The following EZR variants were observed in gnomAD, a reference collection of about 807,000 sequenced individuals.
EZR encodes the protein ezrin.
Under a neutral mutation model 74.8 loss-of-function variants are expected in EZR, and 40 were observed. The ratio of observed to expected loss-of-function variants is 0.53; its 90% CI spans 0.42 to 0.70. EZR has a LOEUF of 0.70. EZR is among the 30% of genes least tolerant of loss of function. EZR has a pLI of 0.00. For synonymous variants in EZR, 341 were observed against 283.3 expected (o/e 1.20, Z -2.05); for missense variants, 678 against 755.8 (o/e 0.90, Z 1.21).
Position 158,771,369 on chromosome 6 carries a change from C to T in EZR, c.834G>A (p.Lys278=), listed in dbSNP as rs1453316789. 1 of 1,613,240 alleles carries T rather than the reference C, an allele frequency of 6.2e-7. No homozygotes were observed. The highest frequency in any genetic ancestry group is 1.1e-5 in the South Asian group (1 of 90,988). ...TGCCCATGCAGAGCTGCAGGATCCG[C>T]TTGTTGATTCTCAGACGTGGGGCAT... The part of the protein sequence containing the change: ...VFYAPRLRIN[K]RILQLCMGNH... Residue 278 remains lysine, a synonymous_variant, in exon 9 of 14, where the codon AAG becomes AAA. Coordinates refer to ENST00000367075, the MANE Select transcript of EZR (RefSeq NM_001111077.2).
chr6:158,818,272 G>C (rs867151115), intron 1 of EZR, 106 bp from the exon 2 acceptor site: 9 of 490,590 alleles, frequency 1.8e-5, no homozygotes, highest in Non-Finnish European at 3.1e-5. Context: ...GAACCGGCCA[G>C]CCCGGGCCCG....
intron 2 of EZR, among the ~76,000 whole-genome samples, chr6:158,812,749 C>T (rs1264478350): frequency 2.0e-5 from 3 of 152,120 alleles, no homozygotes; most frequent in African/African-American, 4.8e-5. Flanking sequence ...TTCCCCCACA[C>T]CTGGTCCTTC....
intron 1 of EZR, 158 bp from the exon 2 acceptor site, chr6:158,818,324 G>T (rs955214227): frequency 3.7e-6 from 1 of 268,906 alleles, no homozygotes; most frequent in African/African-American, 2.3e-5. Flanking sequence ...CATGGGGAGG[G>T]GGCACGGGCG....
rs1791078573 is a variant in EZR, at chr6:158,770,749, C to T, written c.1090+15G>A. 6.2e-7 allele frequency: 1 copy of T among 1,613,926 alleles called. No homozygotes were observed. Among genetic ancestry groups the T allele is most frequent in the African/African-American group, 1.3e-5 (1 of 74,890 alleles). ...GCATGACCCAGTGTAGAGTGCCAGC[C>T]CCAGGGCGCCTGACCTCTCTCTGCC... On this transcript the variant is annotated intron_variant, in intron 10 of 13. Transcript: ENST00000367075.
At chr6:158,792,923 C>A (rs757030592) in intron 2 of EZR, among the ~76,000 whole-genome samples, 3 of 152,072 alleles carry the variant, frequency 2.0e-5, no homozygotes, top group Admixed American at 1.3e-4. Flanking sequence ...ACAATGCCAA[C>A]TCTTAGCTGG....
intron 2 of EZR, among the ~76,000 whole-genome samples, chr6:158,791,167 C>T (rs1791734967): frequency 6.6e-6 from 1 of 152,148 alleles, no homozygotes; most frequent in African/African-American, 2.4e-5. Context: ...CTTAAAGGCT[C>T]CCCGACTGGT....
intron 2 of EZR, among the ~76,000 whole-genome samples, chr6:158,805,009 C>T (rs575960398): frequency 8.1e-4 from 119 of 146,184 alleles, no homozygotes; most frequent in Non-Finnish European, 1.3e-3. Flanking sequence ...TGAGAATATG[C>T]GGTGTTTGGT....
intron 2 of EZR, among the ~76,000 whole-genome samples, chr6:158,803,552 T>C (rs1280829473): frequency 0.34 from 1,538 of 4,534 alleles, 224 homozygotes; most frequent in African/African-American, 0.5. Context: ...TATGTATATA[T>C]ATATATATAT....
intron 7 of EZR, 120 bp from the exon 8 acceptor site, chr6:158,776,624 A>G: frequency 2.8e-6 from 2 of 712,412 alleles, no homozygotes; most frequent in Non-Finnish European, 4.6e-6. Context: ...CTAACCCAAG[A>G]GGCACAATGT....
At chr6:158,795,745 G>C (rs751344794) in intron 2 of EZR, among the ~76,000 whole-genome samples, 1 of 152,194 alleles carries the variant, frequency 6.6e-6, no homozygotes, top group East Asian at 1.9e-4. Flanking sequence ...CTCACCATCA[G>C]AATCCCCACA....
intron 1 of EZR, among the ~76,000 whole-genome samples, chr6:158,818,560 G>A (rs1355140875): frequency 6.7e-6 from 1 of 149,556 alleles, no homozygotes; most frequent in African/African-American, 2.5e-5. Flanking sequence ...GGGAGGGGGC[G>A]CGGGCCCCGG....
chr6:158,791,747 C>G (rs556999075), intron 2 of EZR, among the ~76,000 whole-genome samples: 1 of 107,134 alleles, frequency 9.3e-6, no homozygotes, highest in Admixed American at 1.1e-4. Flanking sequence ...CTTTCTCTGT[C>G]GCCCAGGCTG....
rs747871666 is a variant in EZR, at chr6:158,814,746, T to C, written c.12+3336A>G. ...TTAGTAGAGATGGGGTTTCACCATG[T>C]TGACCAGGATAGTCTTGATCTCTTG... is the stretch of plus-strand genomic sequence containing the variant. On this transcript the variant is annotated intron_variant, in intron 2 of 13. Coordinates refer to ENST00000367075, the MANE Select transcript of EZR (RefSeq NM_001111077.2). Among the ~76,000 whole-genome samples, 35 of 152,220 alleles carry C rather than the reference T, an allele frequency of 2.3e-4. No homozygotes were observed. The Middle Eastern group carries it at 0.014, about 59-fold the overall frequency.
At chr6:158,767,166 G>A in intron 13 of EZR, 88 bp from the exon 14 acceptor site, 3 of 1,582,352 alleles carry the variant, frequency 1.9e-6, no homozygotes, top group South Asian at 1.2e-5. Flanking sequence ...CAAGAGGGGT[G>A]CTGGGTGGGG....
In EZR at chr6:158,766,048, G is replaced by A. The variant is rs559620209; in HGVS notation, c.*866C>T. On this transcript the variant is annotated 3_prime_UTR_variant, in exon 14 of 14. Transcript: ENST00000367075. ...TGCATAAAACACTAATAATAATCCT[G>A]TTTACACGTGACTGCAGCAGGCAGG... The A allele has an allele frequency of 6.5e-5, 10 of 152,698 alleles. No homozygotes were observed. In the South Asian group the frequency reaches 1.5e-3, roughly 22 times the overall value. The allele number at this position is 152,698 out of a possible 1,614,324, so 9.5% of individuals were successfully genotyped here. A position where few individuals can be genotyped will look rare whatever the true frequency, so the allele number is the denominator to read the frequency against.
intron 3 of EZR, 83 bp downstream of exon 3, chr6:158,789,205 A>G (rs1251901876): frequency 3.0e-6 from 3 of 1,006,192 alleles, no homozygotes; most frequent in Admixed American, 4.3e-5. Flanking sequence ...ACAAGGTAAT[A>G]TGCTTCGCAA....
At position 158,818,148 on chromosome 6, in the gene EZR, G is replaced by GCA. The variant is rs2128578754; in HGVS notation, c.-56_-55insTG. ...CCGAAAACACGACTATCCAGCAGCA[G>GCA]CGAAGACGCTGTCCCAACCTGGAGT... is the stretch of plus-strand genomic sequence containing the variant. On this transcript the variant is annotated 5_prime_UTR_variant, in exon 2 of 14. Transcript: ENST00000367075. 1.2e-6 allele frequency: 2 copies of GCA among 1,600,262 alleles called. No homozygotes were observed. Among genetic ancestry groups the GCA allele is most frequent in the Non-Finnish European group, 8.5e-7 (1 of 1,170,660 alleles).
chr6:158,771,536 C>T lies in EZR; in HGVS notation c.796-129G>A, dbSNP rs925709688. 3.0e-5 allele frequency: 30 copies of T among 1,013,442 alleles called. 1 individual carries two copies. In the South Asian group the frequency reaches 4.0e-4, roughly 14 times the overall value. The allele number at this position is 1,013,442 out of a possible 1,614,324, so 62.8% of individuals were successfully genotyped here. ...TAGCAGAACAGGGATGGCAGCATCT[C>T]GGCACTAGGAATGTGCATTCTCCAG... On this transcript the variant is annotated intron_variant, in intron 8 of 13. Coordinates refer to ENST00000367075, the MANE Select transcript of EZR (RefSeq NM_001111077.2).
At chr6:158,775,812 C>CA (rs1392639271) in intron 8 of EZR, among the ~76,000 whole-genome samples, 11 of 152,338 alleles carry the variant, frequency 7.2e-5, no homozygotes, top group African/African-American at 2.6e-4. Flanking sequence ...TTACATAATG[C>CA]ACTGGTCTTT....
Sources: gnomAD v4.1 joint callset for allele counts (sites outside exome capture counted in the v4.1 genomes callset) on GRCh38, gnomAD v4.1.1 for gene constraint, MANE v1.5 for transcripts, NCBI Gene and HGNC (gene_info 2026-07-23, HGNC 2026-07-21) for gene names.